ARK2C: variants seen among roughly 807,000 people sequenced by gnomAD.
The protein encoded by ARK2C is arkadia (RNF111) C-terminal like ring finger ubiquitin ligase 2C.
chr18:46,432,924 G>A, the ARK2C span, among the ~76,000 whole-genome samples: 302 of 152,278 alleles, frequency 2.0e-3, 2 homozygotes, highest in Middle Eastern at 6.8e-3. Context: ...CAGCCTGGGC[G>A]ACAGAGCGAG....
At chr18:46,358,229 A>G in the ARK2C span, among the ~76,000 whole-genome samples, 6 of 152,142 alleles carry the variant, frequency 3.9e-5, no homozygotes, top group Non-Finnish European at 8.8e-5. Context: ...GCGTTCAGAG[A>G]AAAGGGCATG....
chr18:46,380,406 G>A, the ARK2C span, among the ~76,000 whole-genome samples: 2 of 152,234 alleles, frequency 1.3e-5, no homozygotes, highest in Admixed American at 1.3e-4. Flanking sequence ...AGGTTTCTTT[G>A]AGAAGGAAGT....
the ARK2C span, among the ~76,000 whole-genome samples, chr18:46,367,735 A>G: frequency 6.6e-6 from 1 of 152,226 alleles, no homozygotes; most frequent in Admixed American, 6.5e-5. Flanking sequence ...TTTGTGCTTT[A>G]GTCAAGATCA....
chr18:46,447,391 T>C, the ARK2C span: 1 of 684,060 alleles, frequency 1.5e-6, no homozygotes, highest in East Asian at 2.6e-5. Flanking sequence ...CTTCTCTGAG[T>C]CTCTGTTTCC....
the ARK2C span, among the ~76,000 whole-genome samples, chr18:46,407,304 TCTC>T: frequency 6.6e-6 from 1 of 152,228 alleles, no homozygotes; most frequent in South Asian, 2.1e-4. Context: ...AGATTCTTCT[TCTC>T]CTCCTAACCA....
chr18:46,380,410 A>G, the ARK2C span, among the ~76,000 whole-genome samples: 2 of 152,212 alleles, frequency 1.3e-5, no homozygotes, highest in Non-Finnish European at 2.9e-5. Context: ...TTCTTTGAGA[A>G]GGAAGTGACA....
chr18:46,425,791 C>T, the ARK2C span, among the ~76,000 whole-genome samples: 1 of 152,138 alleles, frequency 6.6e-6, no homozygotes, highest in Non-Finnish European at 1.5e-5. Flanking sequence ...TGGGAGGCCC[C>T]CCGTCTTAGT....
chr18:46,399,074 C>G, the ARK2C span, among the ~76,000 whole-genome samples: 1 of 152,128 alleles, frequency 6.6e-6, no homozygotes, highest in Non-Finnish European at 1.5e-5. Context: ...GAGAAACTGT[C>G]GTTTTTCTAT....
At chr18:46,458,485 G>A in the ARK2C span, 2 of 152,608 alleles carry the variant, frequency 1.3e-5, no homozygotes, top group Non-Finnish European at 2.9e-5. Context: ...GGGGTAAGGG[G>A]GACAGGATAC....
At chr18:46,364,687 C>T in the ARK2C span, among the ~76,000 whole-genome samples, 1 of 152,206 alleles carries the variant, frequency 6.6e-6, no homozygotes, top group Non-Finnish European at 1.5e-5. Context: ...ATTCACATGG[C>T]TTCTTGGGAC....
chr18:46,348,478 A>C, the ARK2C span, among the ~76,000 whole-genome samples: 2 of 152,132 alleles, frequency 1.3e-5, no homozygotes, highest in Non-Finnish European at 2.9e-5. Context: ...GTGAGGTAGG[A>C]GTTTCAACAA....
chr18:46,426,440 G>A, the ARK2C span, among the ~76,000 whole-genome samples: 17,921 of 152,130 alleles, frequency 0.12, 1,278 homozygotes, highest in East Asian at 0.32. Context: ...GCAGTCCCCA[G>A]GCATTTGTGG....
At chr18:46,453,280 G>A in the ARK2C span, among the ~76,000 whole-genome samples, 3 of 152,188 alleles carry the variant, frequency 2.0e-5, no homozygotes, top group African/African-American at 7.2e-5. Context: ...TCTGGAGAGA[G>A]AGAGTTTTAA....
the ARK2C span, among the ~76,000 whole-genome samples, chr18:46,420,088 T>C: frequency 6.6e-6 from 1 of 152,150 alleles, no homozygotes; most frequent in South Asian, 2.1e-4. Flanking sequence ...ACTGATGTGA[T>C]CTGATTTCAG....
At chr18:46,397,517 G>A in the ARK2C span, among the ~76,000 whole-genome samples, 1 of 133,366 alleles carries the variant, frequency 7.5e-6, no homozygotes, top group East Asian at 2.4e-4. Context: ...GTCATGCTGA[G>A]GTGTGAGGTG....
chr18:46,383,550 G>GT, the ARK2C span, among the ~76,000 whole-genome samples: 21,773 of 98,052 alleles, frequency 0.22, 3,558 homozygotes, highest in African/African-American at 0.33. Context: ...GGTTTTCTCT[G>GT]TTTTTTTTTT....
chr18:46,400,755 G>A, the ARK2C span, among the ~76,000 whole-genome samples: 3 of 152,170 alleles, frequency 2.0e-5, no homozygotes, highest in East Asian at 3.9e-4. Flanking sequence ...AAATTGTGTC[G>A]GCTTTCAGTA....
At chr18:46,401,282 C>T in the ARK2C span, among the ~76,000 whole-genome samples, 1 of 152,222 alleles carries the variant, frequency 6.6e-6, no homozygotes, top group African/African-American at 2.4e-5. Context: ...CATGGCCACA[C>T]CAAATTCCAG....
the ARK2C span, among the ~76,000 whole-genome samples, chr18:46,381,201 C>T: frequency 6.6e-6 from 1 of 152,102 alleles, no homozygotes; most frequent in Non-Finnish European, 1.5e-5. Flanking sequence ...TGGGATAAGG[C>T]CAGGCACTGC....
Sources: gnomAD v4.1 joint callset for allele counts (sites outside exome capture counted in the v4.1 genomes callset) on GRCh38, gnomAD v4.1.1 for gene constraint, MANE v1.5 for transcripts, NCBI Gene and HGNC (gene_info 2026-07-23, HGNC 2026-07-21) for gene names.